Variants in DLGAP1 observed in about 807,000 individuals in gnomAD.
DLGAP1 encodes disks large-associated protein 1.
Under a neutral mutation model 90.8 loss-of-function variants are expected in DLGAP1, and 11 were observed. That is an observed-to-expected ratio of 0.12 (90% CI 0.08 to 0.20). DLGAP1 has a LOEUF of 0.20. Among genes scored for constraint, DLGAP1 ranks in the 10% least tolerant of loss-of-function variants. The pLI is 1.00. For synonymous variants in DLGAP1, 558 were observed against 540.7 expected, an observed-to-expected ratio of 1.03 and a Z score of -0.44; for missense variants, 1,050 against 1,333.8, an observed-to-expected ratio of 0.79 and a Z score of 3.31.
At chr18:4,083,622 T>C (rs569013949) in intron 2 of DLGAP1, among the ~76,000 whole-genome samples, 22 of 152,326 alleles carry the variant, frequency 1.4e-4, no homozygotes, top group Non-Finnish European at 2.6e-4. Context: ...CTTTGATCCA[T>C]TTCCTTGTTG....
intron 4 of DLGAP1, among the ~76,000 whole-genome samples, chr18:3,862,648 A>G (rs763613597): frequency 2.4e-4 from 37 of 152,252 alleles, no homozygotes; most frequent in Non-Finnish European, 1.0e-4. Flanking sequence ...GACTAATAAA[A>G]GGTGGCTAAG....
Position 3,498,042 on chromosome 18 carries a change from T to C in DLGAP1, c.*1143A>G. 1 of 152,288 alleles carries C rather than the reference T, an allele frequency of 6.6e-6. No homozygotes were observed. 9.4% of individuals were successfully genotyped at this position (152,288 alleles called of 1,614,324 possible). On this transcript the variant is annotated 3_prime_UTR_variant, in exon 13 of 13. Transcript: ENST00000315677. ...TGGACTCTGCAGTAGTGAGAGGAGA[T>C]GAAAGGAGAAAATATATCTGAAATA... is the stretch of plus-strand genomic sequence containing the variant.
intron 2 of DLGAP1, among the ~76,000 whole-genome samples, chr18:4,046,300 T>A (rs2075053117): frequency 6.6e-6 from 1 of 152,170 alleles, no homozygotes; most frequent in Non-Finnish European, 1.5e-5. Context: ...ATTGCCCAAA[T>A]CCCAATAATA....
intron 1 of DLGAP1, among the ~76,000 whole-genome samples, chr18:4,206,779 A>C (rs1364234215): frequency 1.3e-5 from 2 of 152,156 alleles, no homozygotes; most frequent in Non-Finnish European, 2.9e-5. Flanking sequence ...CATCTCCATC[A>C]ATTTCCTGCT....
chr18:4,345,269 G>A (rs553375643), intron 1 of DLGAP1, among the ~76,000 whole-genome samples: 22 of 151,808 alleles, frequency 1.4e-4, no homozygotes, highest in Middle Eastern at 6.8e-3. Context: ...CTATTCTGCC[G>A]TTCCATTCAA....
At chr18:3,808,907 A>G (rs1323392750) in intron 5 of DLGAP1, among the ~76,000 whole-genome samples, 1 of 152,224 alleles carries the variant, frequency 6.6e-6, no homozygotes, top group Non-Finnish European at 1.5e-5. Context: ...TAAAATATCC[A>G]GAATTAAAGT....
At chr18:4,317,788 C>T (rs1381568677) in intron 1 of DLGAP1, among the ~76,000 whole-genome samples, 1 of 152,164 alleles carries the variant, frequency 6.6e-6, no homozygotes, top group Non-Finnish European at 1.5e-5. Context: ...ACAGCTATTG[C>T]CATTGGGCAG....
At chr18:3,978,807 T>C (rs1254667593) in intron 3 of DLGAP1, among the ~76,000 whole-genome samples, 1 of 152,226 alleles carries the variant, frequency 6.6e-6, no homozygotes, top group Non-Finnish European at 1.5e-5. Flanking sequence ...ACTTAACTTC[T>C]TCCACTTGGA....
At chr18:4,351,292 C>T (rs144238206) in intron 1 of DLGAP1, among the ~76,000 whole-genome samples, 1 of 152,258 alleles carries the variant, frequency 6.6e-6, no homozygotes, top group Non-Finnish European at 1.5e-5. Context: ...GGCTTTGCTG[C>T]CTCACTAGCT....
intron 1 of DLGAP1, among the ~76,000 whole-genome samples, chr18:4,211,882 CCTTT>C (rs1302786369): frequency 6.6e-6 from 1 of 152,146 alleles, no homozygotes; most frequent in African/African-American, 2.4e-5. Flanking sequence ...CACCCCTTCT[CCTTT>C]TTTTGACCAT....
chr18:3,900,921 C>T (rs752951993), intron 3 of DLGAP1, among the ~76,000 whole-genome samples: 2 of 152,112 alleles, frequency 1.3e-5, no homozygotes, highest in Non-Finnish European at 2.9e-5. Context: ...CCCTCGACCT[C>T]GTTATTTTCC....
Position 3,589,296 on chromosome 18 carries a change from C to T in DLGAP1, c.1592-7048G>A, listed in dbSNP as rs115127358. Among the ~76,000 whole-genome samples, 657 of 152,360 alleles carry T rather than the reference C, an allele frequency of 4.3e-3. 4 individuals are homozygous for T. The highest frequency in any genetic ancestry group is 0.015 in the African/African-American group (622 of 41,578). ...AAGATGTTCTGGCAAATTATCCAGACTCTCTTTCCACTCTGGTTATCCTTC... is the reference window on the plus strand; with the variant it reads ...AAGATGTTCTGGCAAATTATCCAGATTCTCTTTCCACTCTGGTTATCCTTC... On this transcript the variant is annotated intron_variant, in intron 7 of 12. Coordinates refer to ENST00000315677, the MANE Select transcript of DLGAP1 (RefSeq NM_004746.4).
At chr18:3,845,151 A>G (rs1568229553) in intron 4 of DLGAP1, 3 of 1,534,218 alleles carry the variant, frequency 2.0e-6, no homozygotes, top group South Asian at 1.2e-5. Flanking sequence ...GTTAAAAGAA[A>G]GATGATAGAT....
Position 4,208,751 on chromosome 18 carries a change from CAGAGGGAGAGGGAGAAAGAG to C in DLGAP1, c.-266-57484_-266-57465del, listed in dbSNP as rs562569537. Among the ~76,000 whole-genome samples the C allele has an allele frequency of 5.6e-4, 84 of 150,356 alleles. 1 individual carries two copies. In the South Asian group the frequency reaches 6.6e-3, roughly 12 times the overall value. On this transcript the variant is annotated intron_variant, in intron 1 of 12. Transcript: ENST00000315677. ...AAAAGAGAGAGAGAAAGAGAAAGAA[CAGAGGGAGAGGGAGAAAGAG>C]AGAGGGAGAGAGGAAAAGGGAGAAG...
chr18:3,977,434 G>GTGTGTTTTTTTTT (rs1555718019), intron 3 of DLGAP1, among the ~76,000 whole-genome samples: 1 of 95,332 alleles, frequency 1.0e-5, no homozygotes, highest in African/African-American at 4.2e-5. Flanking sequence ...TTTATTCTGT[G>GTGTGTTTTTTTTT]TTTTTTTTTT....
chr18:3,981,212 C>G (rs2073721423), intron 3 of DLGAP1, among the ~76,000 whole-genome samples: 1 of 152,238 alleles, frequency 6.6e-6, no homozygotes, highest in African/African-American at 2.4e-5. Flanking sequence ...TGAGAACACT[C>G]AGTTTTCCTC....
intron 4 of DLGAP1, 58 bp from the exon 5 acceptor site, chr18:3,814,331 TTTTTC>T (rs2148433884): frequency 6.8e-7 from 1 of 1,477,030 alleles, no homozygotes; most frequent in Non-Finnish European, 9.2e-7. Flanking sequence ...TTTTCTTTTC[TTTTTC>T]TTTTTTTTTA....
At chr18:3,643,679 A>T (rs2059020757) in intron 7 of DLGAP1, among the ~76,000 whole-genome samples, 1 of 151,560 alleles carries the variant, frequency 6.6e-6, no homozygotes, top group Non-Finnish European at 1.5e-5. Flanking sequence ...AAAAAAAAAA[A>T]AAAAAATGCT....
intron 4 of DLGAP1, among the ~76,000 whole-genome samples, chr18:3,849,931 T>C (rs987527969): frequency 6.6e-6 from 1 of 152,216 alleles, no homozygotes; most frequent in Admixed American, 6.5e-5. Flanking sequence ...CCAAGTGTTT[T>C]ATATAGAGTG....
Sources: gnomAD v4.1 joint callset for allele counts (sites outside exome capture counted in the v4.1 genomes callset) on GRCh38, gnomAD v4.1.1 for gene constraint, MANE v1.5 for transcripts, NCBI Gene and HGNC (gene_info 2026-07-23, HGNC 2026-07-21) for gene names.